Variants in STRIP1 observed in about 807,000 individuals in gnomAD.
STRIP1 encodes the protein striatin interacting protein 1.
STRIP1 carries 63 observed loss-of-function variants against 106.2 expected under a neutral mutation model. The observed-to-expected ratio is 0.59, with a 90% CI of 0.48 to 0.73. The LOEUF is 0.73. STRIP1 is among the 30% of genes least tolerant of loss of function. The pLI is 0.00. For missense variants in STRIP1, 857 were observed against 1,074.8 expected (o/e 0.80, Z 2.83); for synonymous variants, 390 against 413.0 (o/e 0.94, Z 0.67).
In STRIP1 at chr1:110,044,688, G is replaced by GT. The variant is rs757651488; in HGVS notation, c.1287-146dup. On this transcript the variant is annotated intron_variant, in intron 10 of 20. Transcript: ENST00000369795. ...ACATTAAAATTCTCTGAAAATTTCA[G>GT]TTTTTTCCCTTTTTTCAAAGAGAAA... The GT allele has an allele frequency of 2.6e-4, 188 of 732,592 alleles. 1 individual carries two copies. Among genetic ancestry groups the GT allele is most frequent in the Admixed American group, 2.1e-3 (70 of 33,044 alleles). The allele number at this position is 732,592 out of a possible 1,614,324, so 45.4% of individuals were successfully genotyped here. A position where few individuals can be genotyped will look rare whatever the true frequency, so the allele number is the denominator to read the frequency against.
upstream of STRIP1, among the ~76,000 whole-genome samples, chr1:110,032,701 G>T (rs909036046): frequency 1.5e-4 from 23 of 152,108 alleles, no homozygotes; most frequent in African/African-American, 5.3e-4. Flanking sequence ...CTACCCAGCT[G>T]ATAAGATTCC....
In STRIP1 at chr1:110,051,754, C is replaced by G. The variant is rs1301385999; in HGVS notation, c.2133C>G (p.Leu711=). 6.2e-7 allele frequency: 1 copy of G among 1,613,676 alleles called. No homozygotes were observed. Among genetic ancestry groups the G allele is most frequent in the African/African-American group, 1.3e-5 (1 of 74,878 alleles). ...AGGTGAAACAAGCCATGATGCAGCTCTATGTGCTGAAGCTGCTCAAGGTAC... is the reference window on the plus strand; with the variant it reads ...AGGTGAAACAAGCCATGATGCAGCTGTATGTGCTGAAGCTGCTCAAGGTAC... ...ALKVKQAMMQ[L]YVLKLLKVQT... Residue 711 remains leucine, a synonymous_variant, in exon 20 of 21, where the codon CTC becomes CTG. Transcript: ENST00000369795.
At chr1:110,052,970 G>A (rs1212459798) in intron 20 of STRIP1, among the ~76,000 whole-genome samples, 1 of 152,210 alleles carries the variant, frequency 6.6e-6, no homozygotes, top group Non-Finnish European at 1.5e-5. Flanking sequence ...GACTCAGGCA[G>A]GGCATGTGAG....
At chr1:110,035,740 G>C (rs2101762830) in intron 1 of STRIP1, among the ~76,000 whole-genome samples, 1 of 152,200 alleles carries the variant, frequency 6.6e-6, no homozygotes, top group East Asian at 1.9e-4. Flanking sequence ...TAATGAGAGG[G>C]AATTCCTAGT....
chr1:110,040,172 TG>T (rs1021047153), intron 5 of STRIP1, among the ~76,000 whole-genome samples: 4 of 151,710 alleles, frequency 2.6e-5, no homozygotes, highest in African/African-American at 9.7e-5. Context: ...TTTGTTTTTG[TG>T]TTTTTTTTGT....
chr1:110,045,165 G>A, intron 12 of STRIP1, 87 bp downstream of exon 12: 2 of 1,247,516 alleles, frequency 1.6e-6, no homozygotes, highest in Non-Finnish European at 2.3e-6. Context: ...TTTTAAGACT[G>A]TTGTCTGCCT....
rs201161880 is a variant in STRIP1 at position 110,050,959 on chromosome 1, G to T, written c.1960G>T (p.Ala654Ser). Residue 654 changes from alanine to serine, a missense_variant, in exon 19 of 21, where the codon GCA becomes TCA. Ala to Ser is a moderately conservative substitution (Grantham distance 99). This residue lies in a region of STRIP1 where 750 missense variants were observed against 989.8 expected (regional missense o/e 0.76). Coordinates refer to ENST00000369795, the MANE Select transcript of STRIP1 (RefSeq NM_033088.4). ...LPELTAESLE[A>S]GDSNQFCWRN... ...TGTTCCTGGGTTTACCCTGCAGGAAGCAGGTGACAGTAACCAATTTTGCTG... is the reference window on the plus strand; with the variant it reads ...TGTTCCTGGGTTTACCCTGCAGGAATCAGGTGACAGTAACCAATTTTGCTG... 108 of 1,592,550 alleles carry T rather than the reference G, an allele frequency of 6.8e-5. 1 individual carries two copies. The highest frequency in any genetic ancestry group is 1.7e-6 in the Non-Finnish European group (2 of 1,160,298).
chr1:110,040,644 C>A lies in STRIP1; in HGVS notation c.591C>A (p.Ala197=), dbSNP rs772137513. ...TCAAAATCTCCTGCAGCAACAGTGC[C>A]GCCTGCAGCAGTGCTGTGAGGAAGC... is the stretch of plus-strand genomic sequence containing the variant. ...ELLNMEIDNS[A]ACSSAVRKPA... Residue 197 remains alanine, a synonymous_variant, in exon 6 of 21, where the codon GCC becomes GCA. Coordinates refer to ENST00000369795, the MANE Select transcript of STRIP1 (RefSeq NM_033088.4). The A allele has an allele frequency of 1.9e-6, 3 of 1,611,754 alleles. No individual in the cohort carries two copies. In the East Asian group the frequency reaches 6.7e-5, roughly 36 times the overall value.
intron 19 of STRIP1, 149 bp from the exon 20 acceptor site, chr1:110,051,534 A>G (rs930001491): frequency 8.1e-6 from 6 of 744,228 alleles, no homozygotes; most frequent in Admixed American, 4.8e-5. Context: ...TTAAAGTCCT[A>G]TGTATCAGGA....
In STRIP1 at chr1:110,047,816, A is replaced by G. The variant is rs530524627; in HGVS notation, c.1608A>G (p.Lys536=). The change falls in exon 15 of 21, where the codon AAA becomes AAG. Residue 536 remains lysine (K), a synonymous_variant. Transcript: ENST00000369795. ...KILLAAAPTS[K]AKTDSINILA... is the part of the protein sequence containing the mutation. The stretch of plus-strand genomic sequence containing the variant: ...TGTTGGCTGCAGCACCCACCTCAAA[A>G]GCCAAAACAGACTCAATCAACATCC... The G allele has an allele frequency of 1.9e-6, 3 of 1,569,896 alleles. No individual in the cohort carries two copies. The highest frequency in any genetic ancestry group is 2.6e-6 in the Non-Finnish European group (3 of 1,156,232).
intron 1 of STRIP1, among the ~76,000 whole-genome samples, chr1:110,037,565 C>CCATT (rs1165187103): frequency 2.0e-5 from 3 of 152,164 alleles, no homozygotes; most frequent in Non-Finnish European, 2.9e-5. Context: ...TGTGTATAGA[C>CCATT]CATTCATTCA....
intron 20 of STRIP1, among the ~76,000 whole-genome samples, chr1:110,053,200 G>A (rs902482090): frequency 6.6e-6 from 1 of 152,220 alleles, no homozygotes; most frequent in African/African-American, 2.4e-5. Context: ...GCTGCTCTGT[G>A]TGTGCGTGTT....
chr1:110,044,002 CT>C, intron 10 of STRIP1, 146 bp downstream of exon 10: 1 of 751,518 alleles, frequency 1.3e-6, no homozygotes, highest in Non-Finnish European at 2.3e-6. Flanking sequence ...TTAAAGCACC[CT>C]GTGCTGTCCT....
rs1468324429 is a variant in STRIP1 at position 110,043,706 on chromosome 1, G to A, written c.1136G>A (p.Arg379Gln). Residue 379 changes from arginine (R) to glutamine (Q), a missense_variant, in exon 10 of 21, where the codon CGA becomes CAA. Transcript: ENST00000369795. The stretch of plus-strand genomic sequence containing the variant: ...GATCCCTACAAGGCTGATGACTCTC[G>A]AGAAGAGGAAGAGGAGAATGATGAT... ...ERDPYKADDS[R>Q]EEEEENDDDN... The A allele has an allele frequency of 3.1e-6, 5 of 1,614,154 alleles. No individual in the cohort carries two copies. The highest frequency in any genetic ancestry group is 2.2e-5 in the South Asian group (2 of 91,080).
At chr1:110,041,290 C>T (rs1652744962) in intron 6 of STRIP1, 1 of 368,650 alleles carries the variant, frequency 2.7e-6, no homozygotes, top group Admixed American at 4.3e-5. Context: ...CATCATAAAC[C>T]CTGTTTTTGT....
At chr1:110,041,895 A>G (rs1343281475) in intron 8 of STRIP1, 34 bp downstream of exon 8, 23 of 1,607,360 alleles carry the variant, frequency 1.4e-5, no homozygotes, top group Non-Finnish European at 2.0e-5. Flanking sequence ...GAACGGTGCT[A>G]TGGGATGGGC....
chr1:110,043,436 T>C (rs1304787505), intron 9 of STRIP1, among the ~76,000 whole-genome samples, 166 bp downstream of exon 9: 1 of 152,216 alleles, frequency 6.6e-6, no homozygotes, highest in African/African-American at 2.4e-5. Flanking sequence ...GTCCAGTGTA[T>C]GGTGAGTGCT....
intron 1 of STRIP1, 116 bp downstream of exon 1, chr1:110,034,933 C>T (rs886561700): frequency 5.9e-5 from 60 of 1,019,322 alleles, no homozygotes; most frequent in Admixed American, 1.6e-4. Flanking sequence ...AGAGTCCGGC[C>T]GAGAACTGTC....
intron 19 of STRIP1, among the ~76,000 whole-genome samples, chr1:110,051,458 C>A (rs1653298015): frequency 6.6e-6 from 1 of 152,096 alleles, no homozygotes; most frequent in Non-Finnish European, 1.5e-5. Flanking sequence ...CTTCAGATTC[C>A]AAAGTGACAC....
Sources: gnomAD v4.1 joint callset for allele counts (sites outside exome capture counted in the v4.1 genomes callset) on GRCh38, gnomAD v4.1.1 for gene constraint, gnomAD v4.1.1 regional missense constraint, MANE v1.5 for transcripts, NCBI Gene and HGNC (gene_info 2026-07-23, HGNC 2026-07-21) for gene names.